AP2B1: variants seen among roughly 807,000 people sequenced by gnomAD.
The protein encoded by AP2B1 is AP-2 complex subunit beta.
Under a neutral mutation model 102.0 loss-of-function variants are expected in AP2B1, and 23 were observed. The observed-to-expected ratio is 0.23, with a 90% CI of 0.16 to 0.32. AP2B1 has a LOEUF of 0.32. Ranked by LOEUF, AP2B1 falls within the 10% of genes least tolerant of loss-of-function variation. The pLI is 1.00. For synonymous variants in AP2B1, 381 were observed against 421.2 expected, an observed-to-expected ratio of 0.90 and a Z score of 1.17; for missense variants, 541 against 1,157.4, an observed-to-expected ratio of 0.47 and a Z score of 7.73.
At chr17:35,673,767 T>C (rs1328755353) in intron 16 of AP2B1, among the ~76,000 whole-genome samples, 1 of 152,196 alleles carries the variant, frequency 6.6e-6, no homozygotes, top group Non-Finnish European at 1.5e-5. Flanking sequence ...TTTTCATTAG[T>C]AGATGCAGTT....
chr17:35,699,577 A>G (rs776440245), intron 18 of AP2B1, among the ~76,000 whole-genome samples: 1 of 152,158 alleles, frequency 6.6e-6, no homozygotes, highest in Admixed American at 6.5e-5. Flanking sequence ...TGAACTAAAG[A>G]CGCTGTCCAG....
chr17:35,656,662 A>G (rs2075229446), intron 13 of AP2B1, among the ~76,000 whole-genome samples: 1 of 152,110 alleles, frequency 6.6e-6, no homozygotes, highest in Non-Finnish European at 1.5e-5. Context: ...TTGGGAGGCT[A>G]AGGTGGGCGG....
At chr17:35,665,499 A>C (rs1023132874) in intron 14 of AP2B1, among the ~76,000 whole-genome samples, 6 of 152,206 alleles carry the variant, frequency 3.9e-5, no homozygotes, top group Non-Finnish European at 7.3e-5. Context: ...CCTACAAGAT[A>C]CTGTGTGCCA....
In AP2B1 at chr17:35,674,340, T is replaced by A. The variant is rs924056810; in HGVS notation, c.2324+19T>A. 2 of 1,613,138 alleles carry A rather than the reference T, an allele frequency of 1.2e-6. No individual in the cohort carries two copies. The highest frequency in any genetic ancestry group is 2.7e-5 in the African/African-American group (2 of 74,908). On this transcript the variant is annotated intron_variant, in intron 17 of 21. Coordinates refer to ENST00000610402, the MANE Select transcript of AP2B1 (RefSeq NM_001030006.2). ...AAAATAGGTAAGCAATCTGGGTCCC[T>A]AGCTTGATGTTGAGACAACAGTTTG...
intron 12 of AP2B1, among the ~76,000 whole-genome samples, chr17:35,643,235 G>A (rs1233181469): frequency 6.6e-6 from 1 of 151,938 alleles, no homozygotes; most frequent in Non-Finnish European, 1.5e-5. Flanking sequence ...TTACGAATTT[G>A]TATTGGGTCA....
At chr17:35,718,357 T>C (rs782539283) in intron 21 of AP2B1, among the ~76,000 whole-genome samples, 78 of 140,414 alleles carry the variant, frequency 5.6e-4, no homozygotes, top group East Asian at 1.3e-3. Context: ...TGTGTGTGTG[T>C]GCTCGCTCCT....
At chr17:35,654,186 T>C (rs1157654910) in intron 13 of AP2B1, among the ~76,000 whole-genome samples, 1 of 151,986 alleles carries the variant, frequency 6.6e-6, no homozygotes, top group African/African-American at 2.4e-5. Context: ...CTCAGCCTCC[T>C]GAGTGGCTGG....
intron 9 of AP2B1, among the ~76,000 whole-genome samples, chr17:35,633,918 G>A (rs550330967): frequency 5.9e-4 from 90 of 152,244 alleles, no homozygotes; most frequent in African/African-American, 2.0e-3. Flanking sequence ...AGGCCGAGGC[G>A]GGCGGATCAC....
chr17:35,682,553 A>T (rs1416885543), intron 17 of AP2B1, 142 bp from the exon 18 acceptor site: 6 of 604,614 alleles, frequency 9.9e-6, no homozygotes, highest in Non-Finnish European at 1.3e-5. Context: ...CATGTTGGCC[A>T]GGCTGGTTTT....
chr17:35,659,416 C>T (rs1006505832), intron 14 of AP2B1, among the ~76,000 whole-genome samples: 9 of 152,206 alleles, frequency 5.9e-5, no homozygotes, highest in Non-Finnish European at 1.2e-4. Context: ...AGACATGTTA[C>T]TTTCATTTGA....
At chr17:35,715,210 G>A (rs972548404) in intron 20 of AP2B1, among the ~76,000 whole-genome samples, 2 of 152,198 alleles carry the variant, frequency 1.3e-5, no homozygotes, top group South Asian at 4.1e-4. Flanking sequence ...TGGCCAGAAT[G>A]CTTCCAAATG....
At chr17:35,597,927 T>C (rs921655057) in intron 2 of AP2B1, among the ~76,000 whole-genome samples, 1 of 152,228 alleles carries the variant, frequency 6.6e-6, no homozygotes, top group Admixed American at 6.5e-5. Flanking sequence ...CTTCATATAC[T>C]GTTCTCTCCC....
chr17:35,720,095 A>G (rs781934430), intron 21 of AP2B1, among the ~76,000 whole-genome samples: 86 of 152,306 alleles, frequency 5.6e-4, no homozygotes, highest in Non-Finnish European at 9.8e-4. Flanking sequence ...TGGTATGTGT[A>G]CCTAAGCCAA....
At chr17:35,631,103 T>TG (rs1380743541) in intron 9 of AP2B1, among the ~76,000 whole-genome samples, 1 of 152,076 alleles carries the variant, frequency 6.6e-6, no homozygotes, top group Admixed American at 6.5e-5. Flanking sequence ...AATCCTATGG[T>TG]GCTATTTTTT....
chr17:35,641,796 G>A (rs559793675), intron 11 of AP2B1, 81 bp from the exon 12 acceptor site: 3 of 1,046,798 alleles, frequency 2.9e-6, no homozygotes, highest in African/African-American at 3.1e-5. Flanking sequence ...TTCATAGTTG[G>A]GGAAACACCA....
At chr17:35,653,885 G>A (rs2075151946) in intron 13 of AP2B1, among the ~76,000 whole-genome samples, 1 of 152,010 alleles carries the variant, frequency 6.6e-6, no homozygotes, top group Admixed American at 6.6e-5. Context: ...TTCTCTACTT[G>A]TTTTTCTTAC....
chr17:35,590,287 G>A (rs2073052918), intron 1 of AP2B1, among the ~76,000 whole-genome samples: 1 of 152,066 alleles, frequency 6.6e-6, no homozygotes, highest in African/African-American at 2.4e-5. Flanking sequence ...TCCATATCTA[G>A]CATGTGATTA....
Position 35,726,019 on chromosome 17 carries a change from A to G in AP2B1, c.*2320A>G, listed in dbSNP as rs1160168355. 9.9e-5 allele frequency: 15 copies of G among 152,246 alleles called. No homozygotes were observed. The highest frequency in any genetic ancestry group is 2.9e-5 in the Non-Finnish European group (2 of 68,006). 9.4% of individuals were successfully genotyped at this position (152,246 alleles called of 1,614,324 possible). ...TAAAAGGACCTCTCCTGAGAGGCAA[A>G]ACCTGTTGCCTCCACCACGGCTTCC... On this transcript the variant is annotated 3_prime_UTR_variant, in exon 22 of 22. Transcript: ENST00000610402.
chr17:35,724,032 T>C lies in AP2B1; in HGVS notation c.*333T>C. On this transcript the variant is annotated 3_prime_UTR_variant, in exon 22 of 22. Transcript: ENST00000610402. ...AGTTTGGTATTTTGTAATTGAGAGC[T>C]CATTTCAAAAGCAGAAAAAGACAAC... 1 of 246,426 alleles carries C rather than the reference T, an allele frequency of 4.1e-6. No homozygotes were observed. 15.3% of individuals were successfully genotyped at this position (246,426 alleles called of 1,614,324 possible).
Sources: gnomAD v4.1 joint callset for allele counts (sites outside exome capture counted in the v4.1 genomes callset) on GRCh38, gnomAD v4.1.1 for gene constraint, MANE v1.5 for transcripts, NCBI Gene and HGNC (gene_info 2026-07-23, HGNC 2026-07-21) for gene names.